Variants in TACC2 observed in about 807,000 individuals in gnomAD.
TACC2 encodes the protein transforming acidic coiled-coil-containing protein 2.
In TACC2, 137 loss-of-function variants were observed where a neutral mutation model predicts 227.3. The ratio of observed to expected loss-of-function variants is 0.60; its 90% confidence interval spans 0.52 to 0.69. The LOEUF is 0.69. TACC2 is among the 30% of genes least tolerant of loss of function. The probability of loss-of-function intolerance (pLI) is 0.00; values close to 1 mark genes in which losing one functional copy is unlikely to be tolerated. For missense variants in TACC2, 3,470 were observed against 3,694.4 expected (o/e 0.94, Z 1.57); for synonymous variants, 1,523 against 1,487.5 (o/e 1.02, Z -0.55).
intron 2 of TACC2, among the ~76,000 whole-genome samples, chr10:122,049,369 C>A (rs1478529159): frequency 2.0e-5 from 3 of 152,222 alleles, no homozygotes; most frequent in African/African-American, 7.2e-5. Flanking sequence ...CCCGACTCAC[C>A]TTCTATAGAA....
intron 5 of TACC2, among the ~76,000 whole-genome samples, chr10:122,088,985 C>T (rs1034519470): frequency 1.3e-5 from 2 of 152,036 alleles, no homozygotes; most frequent in Non-Finnish European, 1.5e-5. Context: ...CACAGTGGCA[C>T]GTGTCTGTAG....
intron 7 of TACC2, among the ~76,000 whole-genome samples, chr10:122,147,380 A>C (rs2139361082): frequency 6.6e-6 from 1 of 152,222 alleles, no homozygotes; most frequent in South Asian, 2.1e-4. Flanking sequence ...CCTGACCTCA[A>C]GTGACCCGTC....
In TACC2 at chr10:122,249,166, AGC is replaced by A; in HGVS notation, c.8660+11_8660+12del. 6.2e-7 allele frequency: 1 copy of A among 1,600,712 alleles called. No homozygotes were observed. Among genetic ancestry groups the A allele is most frequent in the Middle Eastern group, 1.7e-4 (1 of 6,042 alleles). On this transcript the variant is annotated intron_variant, in intron 21 of 22. Transcript: ENST00000369005. Reference sequence around the variant, plus strand: ...AGGAGAAACTGGACAGGTAACATTTAGCCACTGGGGGTGGCTCCCAGGGGCCT... The same window carrying A: ...AGGAGAAACTGGACAGGTAACATTTACACTGGGGGTGGCTCCCAGGGGCCT...
At chr10:122,129,364 AT>A (rs1166100200) in intron 5 of TACC2, among the ~76,000 whole-genome samples, 1 of 151,828 alleles carries the variant, frequency 6.6e-6, no homozygotes, top group Non-Finnish European at 1.5e-5. Flanking sequence ...GGCCTACCTT[AT>A]TTTTTGAACA....
intron 5 of TACC2, among the ~76,000 whole-genome samples, chr10:122,100,705 C>T (rs1196374347): frequency 6.6e-6 from 1 of 152,206 alleles, no homozygotes; most frequent in African/African-American, 2.4e-5. Flanking sequence ...GGATTACAGG[C>T]ATGAGCTATA....
intron 7 of TACC2, among the ~76,000 whole-genome samples, chr10:122,147,935 C>T (rs2091588345): frequency 6.6e-6 from 1 of 152,188 alleles, no homozygotes; most frequent in Non-Finnish European, 1.5e-5. Context: ...TCCACAGCTG[C>T]TTTCAACCAT....
rs759931970 is a variant in TACC2 at position 122,086,356 on chromosome 10, C to G, written c.3856C>G (p.Leu1286Val). ...LALENAASLKLFAGSLAPLLQ... is the reference protein window; with the variant it reads ...LALENAASLKVFAGSLAPLLQ... ...CTTGGAAAATGCTGCCTCCTTGAAG[C>G]TGTTTGCTGGCTCCCTCGCCCCCCT... is the stretch of plus-strand genomic sequence containing the variant. The change falls in exon 4 of 23, where the codon CTG becomes GTG. Residue 1286 changes from leucine (L) to valine (V), a missense_variant. By Grantham distance (32) the Leu-to-Val change is conservative. This residue lies in a region of TACC2 where 1,924 missense variants were observed against 1,978.3 expected (regional missense o/e 0.97). Coordinates refer to ENST00000369005, the MANE Select transcript of TACC2 (RefSeq NM_206862.4). 1 of 1,613,724 alleles carries G rather than the reference C, an allele frequency of 6.2e-7. No individual in the cohort carries two copies. The highest frequency in any genetic ancestry group is 1.7e-5 in the Admixed American group (1 of 60,032).
At chr10:122,022,166 C>T in intron 2 of TACC2, 152 bp downstream of exon 2, 1 of 658,144 alleles carries the variant, frequency 1.5e-6, no homozygotes, top group Non-Finnish European at 2.6e-6. Context: ...TCTATGCAGC[C>T]ATTTTTCATT....
At chr10:122,231,590 G>T (rs7081405) in intron 16 of TACC2, among the ~76,000 whole-genome samples, 2 of 152,262 alleles carry the variant, frequency 1.3e-5, no homozygotes, top group Middle Eastern at 3.4e-3. Flanking sequence ...TCTCCTCGGT[G>T]GGTGGATCCG....
intron 2 of TACC2, among the ~76,000 whole-genome samples, chr10:122,046,231 T>C (rs2074974878): frequency 6.6e-6 from 1 of 151,554 alleles, no homozygotes; most frequent in Non-Finnish European, 1.5e-5. Context: ...TCCCAGCACT[T>C]TGGGAGGCCG....
At chr10:122,207,774 G>A (rs1026356425) in intron 8 of TACC2, among the ~76,000 whole-genome samples, 2 of 152,240 alleles carry the variant, frequency 1.3e-5, no homozygotes, top group African/African-American at 2.4e-5. Flanking sequence ...TCATTGTTGC[G>A]TGATAACTGC....
chr10:122,218,195 G>A (rs549884295), intron 11 of TACC2, among the ~76,000 whole-genome samples: 24 of 152,126 alleles, frequency 1.6e-4, no homozygotes, highest in Admixed American at 4.6e-4. Context: ...TGCCCACCTC[G>A]GCCTCCCAAA....
chr10:122,182,172 T>A (rs932541072), intron 7 of TACC2, among the ~76,000 whole-genome samples: 1 of 152,242 alleles, frequency 6.6e-6, no homozygotes, highest in Non-Finnish European at 1.5e-5. Flanking sequence ...AGAGTTTGCC[T>A]TTTTGATTAG....
intron 2 of TACC2, among the ~76,000 whole-genome samples, chr10:122,036,068 C>G (rs1161422872): frequency 6.6e-6 from 1 of 152,190 alleles, no homozygotes; most frequent in Non-Finnish European, 1.5e-5. Flanking sequence ...ACTTCTGTGA[C>G]TGGGTTATTT....
rs1350579736 is a variant in TACC2 at position 122,085,242 on chromosome 10, A to C, written c.2742A>C (p.Pro914=). ...CCAAAGGCACCCTGTCTGATACTCC[A>C]ACTTCATCTCCCACTGACATGGTTT... ...QLPKGTLSDT[P]TSSPTDMVWE... The change falls in exon 4 of 23, where the codon CCA becomes CCC. Residue 914 remains proline, a synonymous_variant. Transcript: ENST00000369005. 1.2e-6 allele frequency: 2 copies of C among 1,614,056 alleles called. No homozygotes were observed. The highest frequency in any genetic ancestry group is 2.2e-5 in the South Asian group (2 of 91,084).
chr10:122,187,529 C>T (rs564526760), intron 7 of TACC2, among the ~76,000 whole-genome samples: 88 of 151,992 alleles, frequency 5.8e-4, no homozygotes, highest in African/African-American at 1.9e-3. Flanking sequence ...CTCGCTCTGT[C>T]GCCCAGACTG....
In TACC2 at chr10:122,008,363, C is replaced by T. The variant is rs1433301232; in HGVS notation, c.-45-13574C>T. Reference sequence around the variant, plus strand: ...CAACCTCTCGCCTCCCAGGTTCAAGCGATTCTCCTGCCTCAGCCTCTCGAG... The same window carrying T: ...CAACCTCTCGCCTCCCAGGTTCAAGTGATTCTCCTGCCTCAGCCTCTCGAG... On this transcript the variant is annotated intron_variant, in intron 1 of 22. Transcript: ENST00000369005. Among the ~76,000 whole-genome samples, 8 of 151,242 alleles carry T rather than the reference C, an allele frequency of 5.3e-5. No homozygotes were observed. In the East Asian group the frequency reaches 7.8e-4, roughly 15 times the overall value.
intron 5 of TACC2, among the ~76,000 whole-genome samples, chr10:122,097,521 G>A (rs1020723685): frequency 4.6e-5 from 7 of 150,990 alleles, no homozygotes; most frequent in Admixed American, 1.3e-4. Context: ...GAGTACACTC[G>A]GTGGGAGAAG....
intron 7 of TACC2, chr10:122,192,923 A>C: frequency 2.8e-6 from 1 of 362,860 alleles, no homozygotes; most frequent in Non-Finnish European, 5.6e-6. Context: ...GCTGATCTGA[A>C]CTCTCATTCT....
Sources: gnomAD v4.1 joint callset for allele counts (sites outside exome capture counted in the v4.1 genomes callset) on GRCh38, gnomAD v4.1.1 for gene constraint, gnomAD v4.1.1 regional missense constraint, MANE v1.5 for transcripts, NCBI Gene and HGNC (gene_info 2026-07-23, HGNC 2026-07-21) for gene names.